TMEM132C: variants seen among roughly 807,000 people sequenced by gnomAD.
The protein encoded by TMEM132C is transmembrane protein 132C, also known as protein phosphatase 1, regulatory subunit 152.
In TMEM132C, 29 loss-of-function variants were observed where a neutral mutation model predicts 61.4. The observed-to-expected ratio is 0.47, with a 90% CI of 0.35 to 0.64. The LOEUF (loss-of-function observed/expected upper bound fraction) is 0.64. TMEM132C is among the 30% of genes least tolerant of loss of function. The pLI is 0.00. For synonymous variants in TMEM132C, 656 were observed against 633.1 expected, an observed-to-expected ratio of 1.04 and a Z score of -0.54; for missense variants, 1,408 against 1,476.9, an observed-to-expected ratio of 0.95 and a Z score of 0.76.
At chr12:128,300,823 G>T (rs1272757961) in intron 1 of TMEM132C, among the ~76,000 whole-genome samples, 1 of 152,150 alleles carries the variant, frequency 6.6e-6, no homozygotes, top group African/African-American at 2.4e-5. Flanking sequence ...GATTGTTTGA[G>T]GCTAGGAGCC....
At chr12:128,327,579 TTC>T (rs1421970834) in intron 1 of TMEM132C, among the ~76,000 whole-genome samples, 2 of 152,068 alleles carry the variant, frequency 1.3e-5, no homozygotes, top group Non-Finnish European at 2.9e-5. Flanking sequence ...GAGACGGGGT[TTC>T]ACCGTGTTAG....
chr12:128,526,096 T>A (rs1873075856), intron 2 of TMEM132C, among the ~76,000 whole-genome samples: 1 of 152,202 alleles, frequency 6.6e-6, no homozygotes, highest in African/African-American at 2.4e-5. Flanking sequence ...GGTAAGTAAA[T>A]AGTTATTGAA....
intron 3 of TMEM132C, among the ~76,000 whole-genome samples, chr12:128,578,764 ATT>A (rs1431036273): frequency 6.6e-6 from 1 of 151,830 alleles, no homozygotes; most frequent in Non-Finnish European, 1.5e-5. Flanking sequence ...CACCCTGCTA[ATT>A]TTTGTATTTT....
At position 128,360,511 on chromosome 12, in the gene TMEM132C, C is replaced by T. The variant is rs556282304; in HGVS notation, c.86-54221C>T. Reference sequence around the variant, plus strand: ...TTTGAACATAAATGTCCCCTCGTGCCTGCTGATAAGGGCACCCCCAGTTCC... The same window carrying T: ...TTTGAACATAAATGTCCCCTCGTGCTTGCTGATAAGGGCACCCCCAGTTCC... On this transcript the variant is annotated intron_variant, in intron 1 of 8. Transcript: ENST00000435159. Among the ~76,000 whole-genome samples the T allele has an allele frequency of 6.6e-4, 100 of 152,246 alleles. 1 individual carries two copies. The highest frequency in any genetic ancestry group is 1.1e-3 in the Non-Finnish European group (72 of 68,026).
At chr12:128,424,699 A>G (rs1869119270) in intron 2 of TMEM132C, among the ~76,000 whole-genome samples, 1 of 152,256 alleles carries the variant, frequency 6.6e-6, no homozygotes, top group African/African-American at 2.4e-5. Flanking sequence ...ACTGAATTGT[A>G]TACTTGACAA....
chr12:128,534,222 G>A (rs1180241177), intron 2 of TMEM132C, among the ~76,000 whole-genome samples: 1 of 152,162 alleles, frequency 6.6e-6, no homozygotes, highest in Non-Finnish European at 1.5e-5. Flanking sequence ...TTTCGTTTGG[G>A]TTTTAACCAC....
chr12:128,565,906 T>G (rs1394352346), intron 3 of TMEM132C, among the ~76,000 whole-genome samples: 2 of 151,812 alleles, frequency 1.3e-5, no homozygotes, highest in Non-Finnish European at 2.9e-5. Context: ...GAAAAAGAAT[T>G]TGAGACAAAG....
chr12:128,578,444 C>A, intron 3 of TMEM132C, among the ~76,000 whole-genome samples: 1 of 152,290 alleles, frequency 6.6e-6, no homozygotes, highest in East Asian at 1.9e-4. Context: ...CCAATAACAC[C>A]CTTTTACTTG....
intron 2 of TMEM132C, among the ~76,000 whole-genome samples, chr12:128,424,696 T>A (rs1040623364): frequency 2.6e-5 from 4 of 152,220 alleles, no homozygotes; most frequent in Non-Finnish European, 5.9e-5. Context: ...AATACTGAAT[T>A]GTATACTTGA....
At chr12:128,586,231 C>T (rs2135562937) in intron 3 of TMEM132C, among the ~76,000 whole-genome samples, 1 of 152,136 alleles carries the variant, frequency 6.6e-6, no homozygotes, top group Admixed American at 6.5e-5. Context: ...CCACTGCATG[C>T]ATGGGTCCCA....
chr12:128,578,753 G>T (rs11059772), intron 3 of TMEM132C, among the ~76,000 whole-genome samples: 2 of 151,762 alleles, frequency 1.3e-5, no homozygotes, highest in African/African-American at 4.8e-5. Context: ...ACCTGCCACC[G>T]CACCCTGCTA....
intron 2 of TMEM132C, among the ~76,000 whole-genome samples, chr12:128,525,284 G>A (rs114846445): frequency 0.018 from 2,792 of 151,926 alleles, 74 homozygotes; most frequent in African/African-American, 0.064. Flanking sequence ...ATGTGTTTCA[G>A]GAACAAAGCC....
intron 8 of TMEM132C, among the ~76,000 whole-genome samples, chr12:128,700,846 G>A (rs1039891351): frequency 4.6e-5 from 7 of 152,192 alleles, no homozygotes; most frequent in African/African-American, 1.4e-4. Flanking sequence ...CACCAACATC[G>A]CTGAGCCATC....
chr12:128,340,942 CTCTT>C (rs776793917), intron 1 of TMEM132C, among the ~76,000 whole-genome samples: 2,059 of 92,182 alleles, frequency 0.022, 53 homozygotes, highest in African/African-American at 0.081. Context: ...CTCTCTCTCT[CTCTT>C]TCTTTCTTTC....
At chr12:128,274,240 G>C (rs964438855) in intron 1 of TMEM132C, among the ~76,000 whole-genome samples, 1 of 152,156 alleles carries the variant, frequency 6.6e-6, no homozygotes, top group Non-Finnish European at 1.5e-5. Flanking sequence ...AATGTGTTAG[G>C]AATGTTGAGT....
intron 3 of TMEM132C, 83 bp downstream of exon 3, chr12:128,544,186 C>T (rs1653559709): frequency 7.0e-7 from 1 of 1,426,062 alleles, no homozygotes; most frequent in Non-Finnish European, 9.2e-7. Flanking sequence ...TTGACTTGGA[C>T]TCGCGTGAGC....
Position 128,568,648 on chromosome 12 carries a change from A to C in TMEM132C, c.1121+24545A>C, listed in dbSNP as rs536815626. Among the ~76,000 whole-genome samples, 48 of 152,256 alleles carry C rather than the reference A, an allele frequency of 3.2e-4. No individual in the cohort carries two copies. The South Asian group carries it at 1.0e-2, about 32-fold the overall frequency. On this transcript the variant is annotated intron_variant, in intron 3 of 8. Transcript: ENST00000435159. ...ACAGCTGGCAAGTGGCAGAGTGGGG[A>C]TTTCAACTAGCTCAGAATCTATGTT...
chr12:128,640,645 C>G (rs1276454627), intron 4 of TMEM132C, among the ~76,000 whole-genome samples: 1 of 152,176 alleles, frequency 6.6e-6, no homozygotes, highest in African/African-American at 2.4e-5. Context: ...CCTGTAATCC[C>G]AACACTTTGG....
chr12:128,538,671 C>T (rs1232700766), intron 2 of TMEM132C, among the ~76,000 whole-genome samples: 1 of 152,192 alleles, frequency 6.6e-6, no homozygotes, highest in Non-Finnish European at 1.5e-5. Context: ...AGGCAAAATT[C>T]TTTCCTCACC....
Sources: allele counts gnomAD v4.1 joint callset (sites outside exome capture counted in the v4.1 genomes callset), GRCh38; gene constraint gnomAD v4.1.1; transcripts MANE v1.5; gene names NCBI Gene and HGNC (gene_info 2026-07-23, HGNC 2026-07-21).